Variants in ATOX1 observed in about 807,000 individuals in gnomAD.
The protein encoded by ATOX1 is copper transport protein ATOX1.
In ATOX1, 4 loss-of-function variants were observed where a neutral mutation model predicts 7.3. The observed-to-expected ratio is 0.55, with a 90% CI of 0.27 to 1.25. The LOEUF (loss-of-function observed/expected upper bound fraction) is 1.25, where lower values mean the gene tolerates loss of function less well. Ranked by LOEUF, ATOX1 falls within the 50% of genes most tolerant of loss-of-function variation. The pLI, the probability that ATOX1 is intolerant of heterozygous loss-of-function variation, is 0.12. For synonymous variants in ATOX1, 25 were observed against 28.7 expected, an observed-to-expected ratio of 0.87 and a Z score of 0.41; for missense variants, 68 against 81.6, an observed-to-expected ratio of 0.83 and a Z score of 0.64.
chr5:151,756,950 A>C (rs554556735), intron 1 of ATOX1, among the ~76,000 whole-genome samples: 26 of 152,332 alleles, frequency 1.7e-4, no homozygotes, highest in African/African-American at 6.3e-4. Flanking sequence ...GAGGAAATCA[A>C]GGCAGTGAGA....
At chr5:151,755,104 C>T (rs1169732415) in intron 1 of ATOX1, among the ~76,000 whole-genome samples, 1 of 151,252 alleles carries the variant, frequency 6.6e-6, no homozygotes, top group East Asian at 1.9e-4. Flanking sequence ...TTTGTGAAGA[C>T]TAAAATGTTT....
chr5:151,746,507 C>A, intron 2 of ATOX1, 58 bp from the exon 3 acceptor site: 1 of 1,604,218 alleles, frequency 6.2e-7, no homozygotes, highest in African/African-American at 1.3e-5. Context: ...CCAGTTACAG[C>A]AAGAAAGAGT....
intron 1 of ATOX1, chr5:151,752,291 A>T (rs1761961677): frequency 1.4e-6 from 1 of 702,382 alleles, no homozygotes; most frequent in Non-Finnish European, 2.6e-6. Context: ...ATGTCTACTC[A>T]TTACCCCAGG....
chr5:151,747,483 G>T (rs1350115154), intron 2 of ATOX1, among the ~76,000 whole-genome samples: 91 of 151,306 alleles, frequency 6.0e-4, no homozygotes, highest in Non-Finnish European at 1.5e-5. Context: ...ACAGGGTTTC[G>T]CATATTGCCC....
At chr5:151,750,283 TGC>T (rs1761930694) in intron 2 of ATOX1, among the ~76,000 whole-genome samples, 1 of 152,120 alleles carries the variant, frequency 6.6e-6, no homozygotes, top group Admixed American at 6.6e-5. Context: ...TGTGGCCAGG[TGC>T]GGTGGCTCAT....
intron 1 of ATOX1, among the ~76,000 whole-genome samples, chr5:151,754,745 G>A (rs1761991157): frequency 6.6e-6 from 1 of 151,984 alleles, no homozygotes; most frequent in South Asian, 2.1e-4. Context: ...AGCATTTTTG[G>A]GAGGCTGAGG....
chr5:151,758,446 G>T, intron 1 of ATOX1, 100 bp downstream of exon 1: 2 of 1,379,494 alleles, frequency 1.4e-6, no homozygotes, highest in Non-Finnish European at 9.4e-7. Flanking sequence ...TCCGGCCGCC[G>T]CCTGAGCCCT....
intron 2 of ATOX1, among the ~76,000 whole-genome samples, chr5:151,748,727 G>C (rs751362331): frequency 1.1e-4 from 16 of 152,120 alleles, no homozygotes; most frequent in Non-Finnish European, 2.4e-4. Flanking sequence ...CTCAGTGTGT[G>C]GCATGTGCCT....
chr5:151,751,901 C>T (rs1046399874), intron 1 of ATOX1, 122 bp from the exon 2 acceptor site: 6 of 833,880 alleles, frequency 7.2e-6, no homozygotes, highest in Non-Finnish European at 1.1e-5. Flanking sequence ...ACCTGGTTGG[C>T]ATCAGACTCA....
intron 1 of ATOX1, chr5:151,751,988 G>A: frequency 1.7e-6 from 1 of 601,356 alleles, no homozygotes; most frequent in Non-Finnish European, 3.0e-6. Context: ...TGTATTCAAT[G>A]GAATCATCCC....
At chr5:151,743,295 G>A (rs28917221) in intron 3 of ATOX1, 156 of 152,320 alleles carry the variant, frequency 1.0e-3, no homozygotes, top group African/African-American at 3.4e-3. Flanking sequence ...TCTCTATCCT[G>A]TTACAGGTTG....
At chr5:151,750,560 A>G (rs565271111) in intron 2 of ATOX1, among the ~76,000 whole-genome samples, 1 of 145,996 alleles carries the variant, frequency 6.8e-6, no homozygotes, top group East Asian at 2.0e-4. Context: ...ATTAATTTAA[A>G]TTTTTTTTTT....
chr5:151,747,747 C>T (rs1761896457), intron 2 of ATOX1, among the ~76,000 whole-genome samples: 1 of 152,202 alleles, frequency 6.6e-6, no homozygotes, highest in African/African-American at 2.4e-5. Flanking sequence ...AGCCACCACA[C>T]TGAGCTAATT....
At chr5:151,751,093 C>T (rs572187001) in intron 2 of ATOX1, among the ~76,000 whole-genome samples, 8 of 151,898 alleles carry the variant, frequency 5.3e-5, no homozygotes, top group Middle Eastern at 3.4e-3. Flanking sequence ...CCCGTCTGTA[C>T]TGAAAATACA....
At chr5:151,749,399 C>T (rs28917196) in intron 2 of ATOX1, among the ~76,000 whole-genome samples, 28 of 151,968 alleles carry the variant, frequency 1.8e-4, no homozygotes, top group Middle Eastern at 3.4e-3. Flanking sequence ...GCAGGAGAAT[C>T]GCTTGAACCT....
chr5:151,755,939 T>C (rs1006768521), intron 1 of ATOX1, among the ~76,000 whole-genome samples: 3 of 123,214 alleles, frequency 2.4e-5, no homozygotes, highest in African/African-American at 3.8e-5. Flanking sequence ...GGGATGATTC[T>C]TTTTTTTTTT....
chr5:151,757,058 G>C (rs1391397014), intron 1 of ATOX1, among the ~76,000 whole-genome samples: 1 of 152,192 alleles, frequency 6.6e-6, no homozygotes, highest in Non-Finnish European at 1.5e-5. Flanking sequence ...GCATTTGTCT[G>C]AGAAAACTCT....
At chr5:151,747,166 T>G (rs1428038935) in intron 2 of ATOX1, among the ~76,000 whole-genome samples, 1 of 151,708 alleles carries the variant, frequency 6.6e-6, no homozygotes, top group African/African-American at 2.4e-5. Flanking sequence ...CTGTGAACAG[T>G]CTGGCTTCTA....
intron 3 of ATOX1, 51 bp downstream of exon 3, chr5:151,746,228 T>G: frequency 1.1e-4 from 167 of 1,518,352 alleles, no homozygotes; most frequent in Non-Finnish European, 1.4e-4. Context: ...TTCGCTCTGA[T>G]GAGAGGTGTG....
Sources: allele counts gnomAD v4.1 joint callset (sites outside exome capture counted in the v4.1 genomes callset), GRCh38; gene constraint gnomAD v4.1.1; transcripts MANE v1.5; gene names NCBI Gene and HGNC (gene_info 2026-07-23, HGNC 2026-07-21).